ACY3: variants seen among roughly 807,000 people sequenced by gnomAD.
ACY3 encodes the protein aminoacylase 3.
Under a neutral mutation model 24.6 loss-of-function variants are expected in ACY3, and 20 were observed. That is an observed-to-expected ratio of 0.81 (90% CI 0.57 to 1.18). ACY3 has a LOEUF of 1.18. Among genes scored for constraint, ACY3 ranks in the 50% most tolerant of loss-of-function variants. ACY3 has a pLI of 0.00. For synonymous variants in ACY3, 174 were observed against 188.4 expected, an observed-to-expected ratio of 0.92 and a Z score of 0.62; for missense variants, 423 against 426.8, an observed-to-expected ratio of 0.99 and a Z score of 0.08.
At chr11:67,645,259 G>A (rs771569983) in intron 5 of ACY3, 28 bp downstream of exon 5, 41 of 1,607,940 alleles carry the variant, frequency 2.5e-5, no homozygotes, top group African/African-American at 4.0e-5. Context: ...TCCTGGCCCC[G>A]CCCACTTCTC....
intron 3 of ACY3, among the ~76,000 whole-genome samples, chr11:67,646,383 C>G (rs573307815): frequency 1.3e-5 from 2 of 152,356 alleles, no homozygotes; most frequent in East Asian, 3.9e-4. Context: ...CCGGTTCTTC[C>G]TCTGTCTCCC....
chr11:67,645,989 A>C (rs1855509963), intron 3 of ACY3, 102 bp from the exon 4 acceptor site: 1 of 1,175,112 alleles, frequency 8.5e-7, no homozygotes, highest in Admixed American at 2.6e-5. Flanking sequence ...CACTCTGAGC[A>C]GCTCGAGCGA....
rs148918245 is a variant in ACY3, at chr11:67,646,809, T to G, written c.235A>C (p.Asn79His). 1 of 1,612,594 alleles carries G rather than the reference T, an allele frequency of 6.2e-7. No homozygotes were observed. The highest frequency in any genetic ancestry group is 1.1e-5 in the South Asian group (1 of 90,968). ...CAACCTGGCGGCAAAAGCACTCACT[T>G]GAGGAAGCTGCTGGTGAAGGTGCGG... ...LNRTFTSSFLNSRPTPDDPYE... is the reference protein window; with the variant it reads ...LNRTFTSSFLHSRPTPDDPYE... The change falls in exon 3 of 8, where the codon AAT (asparagine) becomes CAT (histidine). Residue 79 changes from asparagine to histidine, a missense_variant and splice_region_variant. Asn to His is a moderately conservative substitution (Grantham distance 68, BLOSUM62 1). Coordinates refer to ENST00000255082, the MANE Select transcript of ACY3 (RefSeq NM_080658.2).
chr11:67,649,213 G>C (rs1855571163), intron 1 of ACY3, among the ~76,000 whole-genome samples: 1 of 152,238 alleles, frequency 6.6e-6, no homozygotes, highest in Non-Finnish European at 1.5e-5. Flanking sequence ...GCTGCTTTAT[G>C]AGTCCCAGGC....
intron 6 of ACY3, 24 bp downstream of exon 6, chr11:67,645,021 C>T: frequency 6.2e-7 from 1 of 1,611,724 alleles, no homozygotes. Context: ...GGACCTGTTT[C>T]CCGAAAGTCC....
Position 67,645,332 on chromosome 11 carries a change from C to T in ACY3, c.481G>A (p.Gly161Arg). The T allele has an allele frequency of 6.2e-7, 1 of 1,613,776 alleles. No individual in the cohort carries two copies. The highest frequency in any genetic ancestry group is 1.1e-5 in the South Asian group (1 of 91,058). The part of the protein sequence containing the change: ...SCQVFLYQRS[G>R]EESYNLDSVA... ...GAGTCCAGGTTGTAGCTCTCCTCCC[C>T]AGACCGCTGGTACAGGAAGACCTGG... The change falls in exon 5 of 8, where the codon GGG becomes AGG. Residue 161 changes from glycine (G) to arginine (R), a missense_variant. Transcript: ENST00000255082.
chr11:67,644,741 C>T lies in ACY3; in HGVS notation c.744+19G>A. The stretch of plus-strand genomic sequence containing the variant: ...CAGAAATCACCCCCCACCACACACA[C>T]ACACACACACACACACACCTGCAGC... On this transcript the variant is annotated intron_variant, in intron 7 of 7. Transcript: ENST00000255082. 5 of 1,542,938 alleles carry T rather than the reference C, an allele frequency of 3.2e-6. No individual in the cohort carries two copies. The highest frequency in any genetic ancestry group is 4.4e-6 in the Non-Finnish European group (5 of 1,143,408).
intron 7 of ACY3, among the ~76,000 whole-genome samples, chr11:67,643,845 A>G (rs1275725462): frequency 6.6e-6 from 1 of 151,380 alleles, no homozygotes; most frequent in African/African-American, 2.4e-5. Context: ...AAAGACAAAA[A>G]TTGGCTGGGT....
chr11:67,643,864 G>A (rs1004272582), intron 7 of ACY3, among the ~76,000 whole-genome samples: 12 of 151,716 alleles, frequency 7.9e-5, no homozygotes, highest in Non-Finnish European at 1.6e-4. Context: ...GTGTGGTGGT[G>A]AGTGCCTATA....
Position 67,645,132 on chromosome 11 carries a change from G to T in ACY3, c.547C>A (p.Pro183Thr), listed in dbSNP as rs545031296. ...ATGTCAGCCCGCAGCACACCCTGTG[G>T]CTGGGGGCCCAGCTCCAGACCTGGG... ...NGLGLELGPQ[P>T]QGVLRADIFS... is the part of the protein sequence containing the mutation. Residue 183 changes from proline (P) to threonine (T), a missense_variant, in exon 6 of 8, where the codon CCA (proline) becomes ACA (threonine). Pro to Thr is a conservative substitution (Grantham distance 38). Transcript: ENST00000255082. The T allele has an allele frequency of 6.2e-7, 1 of 1,613,108 alleles. No individual in the cohort carries two copies. The highest frequency in any genetic ancestry group is 1.1e-5 in the South Asian group (1 of 91,046).
At chr11:67,647,387 G>T in intron 2 of ACY3, 129 bp downstream of exon 2, 1 of 238,910 alleles carries the variant, frequency 4.2e-6, no homozygotes, top group Non-Finnish European at 8.0e-6. Flanking sequence ...GAGGCACAGC[G>T]TGGGGAGTGG....
Position 67,646,015 on chromosome 11 carries a change from A to C in ACY3, c.237-128T>G, listed in dbSNP as rs2509714. On this transcript the variant is annotated intron_variant, in intron 3 of 7. Coordinates refer to ENST00000255082, the MANE Select transcript of ACY3 (RefSeq NM_080658.2). ...GCTCGAGCGAGGGCTTTCCCTTCAG[A>C]CGTTGTGGCTGTGTCCACCCCTGCC... The C allele has an allele frequency of 0.021, 19,377 of 913,744 alleles. 2,589 individuals are homozygous for C. In the African/African-American group the frequency reaches 0.29, roughly 13 times the overall value. 56.6% of individuals were successfully genotyped at this position (913,744 alleles called of 1,614,324 possible).
chr11:67,647,011 C>T lies in ACY3; in HGVS notation c.33G>A (p.Leu11=), dbSNP rs1201287826. ...TGCCCCCAGTCACAGCCACGCGACG[C>T]AGGGGCTCCCGGGGCACAGGCAGTG... The part of the protein sequence containing the change: MCSLPVPREP[L]RRVAVTGGTH... The change falls in exon 3 of 8, where the codon CTG becomes CTA. Residue 11 remains leucine (L), a synonymous_variant. Coordinates refer to ENST00000255082, the MANE Select transcript of ACY3 (RefSeq NM_080658.2). 1 of 1,548,100 alleles carries T rather than the reference C, an allele frequency of 6.5e-7. No homozygotes were observed. Among genetic ancestry groups the T allele is most frequent in the South Asian group, 1.2e-5 (1 of 84,394 alleles).
At chr11:67,644,726 C>G in intron 7 of ACY3, 34 bp downstream of exon 7, 1 of 1,440,014 alleles carries the variant, frequency 6.9e-7, no homozygotes, top group Non-Finnish European at 9.2e-7. Flanking sequence ...CAGAAATCAC[C>G]CCCCACCACA....
chr11:67,649,859 A>T (rs1387650859), intron 1 of ACY3, among the ~76,000 whole-genome samples: 11 of 131,668 alleles, frequency 8.4e-5, no homozygotes, highest in South Asian at 2.4e-4. Flanking sequence ...TGTGCATGAG[A>T]GTGTGTGTGC....
intron 1 of ACY3, among the ~76,000 whole-genome samples, chr11:67,647,850 G>T (rs1427022314): frequency 6.6e-6 from 1 of 152,206 alleles, no homozygotes; most frequent in Non-Finnish European, 1.5e-5. Flanking sequence ...AGGTACACCC[G>T]CAGTGGGGTG....
chr11:67,647,088 C>T lies in ACY3; in HGVS notation c.-20-25G>A, dbSNP rs373699278. ...CCTGGGGGTGGGCATACTTAGGAGA[C>T]CCTGGCCCCGATGCAAGGGATCTGG... On this transcript the variant is annotated intron_variant, in intron 2 of 7. Coordinates refer to ENST00000255082, the MANE Select transcript of ACY3 (RefSeq NM_080658.2). 3.1e-5 allele frequency: 45 copies of T among 1,431,070 alleles called. No individual in the cohort carries two copies. The African/African-American group carries it at 4.6e-4, about 15-fold the overall frequency. 88.6% of individuals were successfully genotyped at this position (1,431,070 alleles called of 1,614,324 possible).
At position 67,642,916 on chromosome 11, in the gene ACY3, C is replaced by T; in HGVS notation, c.768G>A (p.Gln256=). ...QLQDRDFQPL[Q]PGAPIFQMFS... is the part of the protein sequence containing the mutation. ...ACATCTGGAAGATGGGAGCACCAGGCTGCAGTGGCTGGAAGTCTCGGTCCT... is the reference window on the plus strand; with the variant it reads ...ACATCTGGAAGATGGGAGCACCAGGTTGCAGTGGCTGGAAGTCTCGGTCCT... The change falls in exon 8 of 8, where the codon CAG becomes CAA. Residue 256 remains glutamine (Q), a synonymous_variant. Coordinates refer to ENST00000255082, the MANE Select transcript of ACY3 (RefSeq NM_080658.2). 1.2e-6 allele frequency: 2 copies of T among 1,613,896 alleles called. No homozygotes were observed. The highest frequency in any genetic ancestry group is 1.7e-6 in the Non-Finnish European group (2 of 1,180,010).
Position 67,646,891 on chromosome 11 carries a change from C to A in ACY3, c.153G>T (p.Val51=). The A allele has an allele frequency of 6.2e-7, 1 of 1,612,178 alleles. No homozygotes were observed. The highest frequency in any genetic ancestry group is 8.5e-7 in the Non-Finnish European group (1 of 1,179,654). The stretch of plus-strand genomic sequence containing the variant: ...CGGATGTGGCTGCCGGGTTGGCCAG[C>A]ACAGGCACAGCGGAGAAGCTGGCTC... ...LQRASFSAVP[V]LANPAATSGC... The change falls in exon 3 of 8, where the codon GTG becomes GTT. Residue 51 remains valine (V), a synonymous_variant. Transcript: ENST00000255082.
Sources: gnomAD v4.1 joint callset for allele counts (sites outside exome capture counted in the v4.1 genomes callset) on GRCh38, gnomAD v4.1.1 for gene constraint, MANE v1.5 for transcripts, NCBI Gene and HGNC (gene_info 2026-07-23, HGNC 2026-07-21) for gene names.